The following NEGR1 variants were observed in gnomAD, a reference collection of about 807,000 sequenced individuals.
The protein encoded by NEGR1 is IgLON family member 4.
In NEGR1, 10 loss-of-function variants were observed where a neutral mutation model predicts 40.9. The ratio of observed to expected loss-of-function variants is 0.24; its 90% CI spans 0.15 to 0.42. NEGR1 has a LOEUF of 0.42. Among genes scored for constraint, NEGR1 ranks in the 10% least tolerant of loss-of-function variants. The pLI, the probability that NEGR1 is intolerant of heterozygous loss-of-function variation, is 1.00. For missense variants in NEGR1, 352 were observed against 438.9 expected (o/e 0.80, Z 1.77); for synonymous variants, 185 against 166.8 (o/e 1.11, Z -0.84).
chr1:72,252,255 G>C (rs1276527996), intron 1 of NEGR1, among the ~76,000 whole-genome samples: 1 of 151,976 alleles, frequency 6.6e-6, no homozygotes, highest in East Asian at 1.9e-4. Flanking sequence ...TGTGGGTCAG[G>C]CTGGTCTCAA....
At chr1:71,858,734 A>T (rs1659857122) in intron 2 of NEGR1, among the ~76,000 whole-genome samples, 2 of 152,118 alleles carry the variant, frequency 1.3e-5, no homozygotes, top group African/African-American at 4.8e-5. Flanking sequence ...AAAGTTATGT[A>T]ACACAAATAT....
chr1:71,470,244 G>A (rs886215568), intron 6 of NEGR1, among the ~76,000 whole-genome samples: 4 of 151,808 alleles, frequency 2.6e-5, no homozygotes, highest in Admixed American at 6.6e-5. Flanking sequence ...TCCTACTATC[G>A]AAGTTATTTA....
intron 2 of NEGR1, among the ~76,000 whole-genome samples, chr1:71,783,840 G>GTCCATCCATCCA (rs376448737): frequency 6.7e-5 from 9 of 133,610 alleles, no homozygotes; most frequent in African/African-American, 2.0e-4. Flanking sequence ...CCATCCACCC[G>GTCCATCCATCCA]TCCATCCATC....
intron 1 of NEGR1, among the ~76,000 whole-genome samples, chr1:72,015,234 C>T (rs41528452): frequency 4.0e-5 from 6 of 151,856 alleles, no homozygotes; most frequent in Admixed American, 1.3e-4. Context: ...GAATGAAAGG[C>T]CTTATTGCTG....
chr1:72,102,294 A>G (rs1275018316), intron 1 of NEGR1, among the ~76,000 whole-genome samples: 3 of 152,096 alleles, frequency 2.0e-5, no homozygotes, highest in Non-Finnish European at 4.4e-5. Context: ...TAATTCAATT[A>G]TACTTTAAAA....
At chr1:71,670,745 A>G (rs1444419590) in intron 4 of NEGR1, among the ~76,000 whole-genome samples, 2 of 151,702 alleles carry the variant, frequency 1.3e-5, no homozygotes, top group African/African-American at 4.9e-5. Flanking sequence ...TTGTCTCCTC[A>G]GCTCTGGAAA....
rs184651580 is a variant in NEGR1 at position 71,595,148 on chromosome 1, C to T, written c.789-2180G>A. Among the ~76,000 whole-genome samples the T allele has an allele frequency of 2.6e-5, 4 of 152,326 alleles. No homozygotes were observed. In the South Asian group the frequency reaches 6.2e-4, roughly 24 times the overall value. On this transcript the variant is annotated intron_variant, in intron 5 of 6. Coordinates refer to ENST00000357731, the MANE Select transcript of NEGR1 (RefSeq NM_173808.3). ...GATGTTGCTGAATCATGTAGCGCAT[C>T]CATACTCTGTATGTGTGGGCCCATT...
At chr1:72,282,111 T>C (rs1362912629) in intron 1 of NEGR1, among the ~76,000 whole-genome samples, 1 of 152,148 alleles carries the variant, frequency 6.6e-6, no homozygotes, top group Non-Finnish European at 1.5e-5. Context: ...CAAAGTGCTT[T>C]AGCATCACGA....
intron 2 of NEGR1, among the ~76,000 whole-genome samples, chr1:71,902,938 G>T (rs1183691560): frequency 6.6e-6 from 1 of 151,568 alleles, no homozygotes; most frequent in African/African-American, 2.4e-5. Context: ...ATATTCATTA[G>T]CTATGTTATT....
At chr1:71,795,500 C>T (rs965662560) in intron 2 of NEGR1, among the ~76,000 whole-genome samples, 2 of 152,052 alleles carry the variant, frequency 1.3e-5, no homozygotes, top group Admixed American at 6.6e-5. Context: ...CATCTATACT[C>T]AAGAAATTCC....
intron 1 of NEGR1, among the ~76,000 whole-genome samples, chr1:72,247,465 C>G (rs969391167): frequency 3.3e-5 from 5 of 152,180 alleles, no homozygotes; most frequent in Middle Eastern, 3.2e-3. Context: ...TCACCAGATA[C>G]TTTAAATCAT....
At chr1:72,274,469 A>C in intron 1 of NEGR1, 1 of 577,012 alleles carries the variant, frequency 1.7e-6, no homozygotes. Flanking sequence ...TGAGCAGCAG[A>C]AGCACATAGC....
intron 1 of NEGR1, among the ~76,000 whole-genome samples, chr1:72,210,852 T>C (rs572961104): frequency 6.6e-6 from 1 of 152,000 alleles, no homozygotes; most frequent in African/African-American, 2.4e-5. Context: ...CAAGGTTCAC[T>C]GATACAGTTT....
rs1022334401 is a variant in NEGR1 at position 71,611,268 on chromosome 1, A to G, written c.668-122T>C. 9.9e-6 allele frequency: 8 copies of G among 806,816 alleles called. No individual in the cohort carries two copies. The African/African-American group carries it at 1.0e-4, about 10-fold the overall frequency. The allele number at this position is 806,816 out of a possible 1,614,324, so 50.0% of individuals were successfully genotyped here. On this transcript the variant is annotated intron_variant, in intron 4 of 6. Transcript: ENST00000357731. ...AAGCAATCTTATGCCTGATAGACCA[A>G]CGCATCACATTTTCAGTGTTTTATG...
At chr1:71,521,040 G>A (rs375529559) in intron 6 of NEGR1, among the ~76,000 whole-genome samples, 32 of 152,120 alleles carry the variant, frequency 2.1e-4, no homozygotes, top group African/African-American at 7.2e-4. Context: ...TGTCACTCTA[G>A]GGAATCTTAA....
intron 1 of NEGR1, among the ~76,000 whole-genome samples, chr1:72,214,541 C>T (rs1302302832): frequency 6.6e-6 from 1 of 152,020 alleles, no homozygotes; most frequent in Non-Finnish European, 1.5e-5. Flanking sequence ...AATTGATGTG[C>T]AAAAATCACA....
intron 3 of NEGR1, among the ~76,000 whole-genome samples, chr1:71,751,016 GGT>G (rs1655554248): frequency 6.6e-6 from 1 of 151,868 alleles, no homozygotes; most frequent in African/African-American, 2.4e-5. Flanking sequence ...ATCTTATACA[GGT>G]GTACTTTCAT....
chr1:72,192,496 A>AAAATTTAAGAG (rs1652853931), intron 1 of NEGR1, among the ~76,000 whole-genome samples: 1 of 151,888 alleles, frequency 6.6e-6, no homozygotes, highest in Admixed American at 6.6e-5. Flanking sequence ...CTGATTCCAC[A>AAAATTTAAGAG]TACCTTCCCA....
At chr1:71,729,842 TTTTTGG>T (rs1177160911) in intron 3 of NEGR1, among the ~76,000 whole-genome samples, 13 of 148,236 alleles carry the variant, frequency 8.8e-5, no homozygotes, top group African/African-American at 3.3e-4. Flanking sequence ...TGTTTTTTGG[TTTTTGG>T]TTTTTTTTTT....
Sources: allele counts gnomAD v4.1 joint callset (sites outside exome capture counted in the v4.1 genomes callset), GRCh38; gene constraint gnomAD v4.1.1; transcripts MANE v1.5; gene names NCBI Gene and HGNC (gene_info 2026-07-23, HGNC 2026-07-21).